The following COMMD6 variants were observed in gnomAD, a reference collection of about 807,000 sequenced individuals.
COMMD6 encodes the protein COMM domain containing 6.
Under a neutral mutation model 13.4 loss-of-function variants are expected in COMMD6, and 11 were observed. The observed-to-expected ratio is 0.82, with a 90% CI of 0.52 to 1.36. The LOEUF is 1.36. Among genes scored for constraint, COMMD6 ranks in the 40% most tolerant of loss-of-function variants. The pLI, the probability that COMMD6 is intolerant of heterozygous loss-of-function variation, is 0.00. For synonymous variants in COMMD6, 43 were observed against 36.5 expected, an observed-to-expected ratio of 1.18 and a Z score of -0.64; for missense variants, 124 against 102.4, an observed-to-expected ratio of 1.21 and a Z score of -0.91.
chr13:75,543,781 G>A (rs1305474289), upstream of COMMD6, among the ~76,000 whole-genome samples: 1 of 152,166 alleles, frequency 6.6e-6, no homozygotes, highest in East Asian at 1.9e-4. Context: ...CATAGTAAGT[G>A]CTGATAAATC....
upstream of COMMD6, among the ~76,000 whole-genome samples, chr13:75,539,039 C>T (rs897097475): frequency 1.3e-5 from 2 of 152,160 alleles, no homozygotes; most frequent in African/African-American, 2.4e-5. Context: ...TGGCTCCTTC[C>T]TCCACCTTCA....
chr13:75,525,236 T>C lies in COMMD6; in HGVS notation c.*1353A>G, dbSNP rs2030199306. On this transcript the variant is annotated 3_prime_UTR_variant, in exon 4 of 4. Transcript: ENST00000682242. ...GACAAACATGCAATTTAAATTTATT[T>C]CAAATCTGCTACCCACAGTGTTTGA... 6.6e-6 allele frequency: 1 copy of C among 152,176 alleles called. No homozygotes were observed. Among genetic ancestry groups the C allele is most frequent in the Admixed American group, 6.5e-5 (1 of 15,274 alleles). The allele number at this position is 152,176 out of a possible 1,614,324, so 9.4% of individuals were successfully genotyped here. A position where few individuals can be genotyped will look rare whatever the true frequency, so the allele number is the denominator to read the frequency against.
At chr13:75,545,468 T>G (rs1192573264) in intron 1 of COMMD6, among the ~76,000 whole-genome samples, 1 of 152,122 alleles carries the variant, frequency 6.6e-6, no homozygotes, top group African/African-American at 2.4e-5. Context: ...TCTTTTTCTT[T>G]TTCTCTTTTT....
intron 1 of COMMD6, among the ~76,000 whole-genome samples, chr13:75,547,946 T>A (rs2030934031): frequency 6.6e-6 from 1 of 152,198 alleles, no homozygotes. Flanking sequence ...TTTGAGTGTA[T>A]CCCTAGCAAG....
chr13:75,537,724 A>C, intron 1 of COMMD6, 40 bp downstream of exon 1: 1 of 1,614,042 alleles, frequency 6.2e-7, no homozygotes, highest in African/African-American at 1.3e-5. Context: ...TTCTTGCTCC[A>C]GAGCCTCGCT....
intron 1 of COMMD6, among the ~76,000 whole-genome samples, chr13:75,545,461 TTTTC>T (rs1422122207): frequency 1.4e-4 from 21 of 152,210 alleles, no homozygotes; most frequent in Admixed American, 8.5e-4. Flanking sequence ...GATGGTTTCT[TTTTC>T]TTTTTCTCTT....
At chr13:75,543,995 T>C (rs2030862545) in intron 1 of COMMD6, among the ~76,000 whole-genome samples, 1 of 152,216 alleles carries the variant, frequency 6.6e-6, no homozygotes, top group Admixed American at 6.5e-5. Flanking sequence ...TCTGGAGAGA[T>C]TCCTGACTCC....
intron 2 of COMMD6, among the ~76,000 whole-genome samples, chr13:75,533,730 CTACAAGA>C (rs751843960): frequency 1.3e-5 from 2 of 152,032 alleles, no homozygotes; most frequent in Non-Finnish European, 2.9e-5. Flanking sequence ...TGATGATTGC[CTACAAGA>C]TACAACTATA....
At chr13:75,539,470 C>A (rs1214955914), upstream of COMMD6, among the ~76,000 whole-genome samples, 2 of 152,120 alleles carry the variant, frequency 1.3e-5, no homozygotes, top group Non-Finnish European at 2.9e-5. Flanking sequence ...GAACTCCTGT[C>A]CTCACGTAAT....
rs985313351 is a variant in COMMD6, at chr13:75,526,449, G to A, written c.*140C>T. 17 of 645,350 alleles carry A rather than the reference G, an allele frequency of 2.6e-5. No homozygotes were observed. The highest frequency in any genetic ancestry group is 4.3e-5 in the Non-Finnish European group (16 of 372,454). 40.0% of individuals were successfully genotyped at this position (645,350 alleles called of 1,614,324 possible). On this transcript the variant is annotated 3_prime_UTR_variant, in exon 4 of 4. Coordinates refer to ENST00000682242, the MANE Select transcript of COMMD6 (RefSeq NM_203495.4). ...ACCACTACCCAGTTCCTGTTTGTCT[G>A]ATTTTTATTATTTAAAAAAATGGAA...
intron 1 of COMMD6, among the ~76,000 whole-genome samples, chr13:75,544,870 G>A (rs1427994185): frequency 2.1e-5 from 3 of 141,700 alleles, no homozygotes; most frequent in African/African-American, 7.7e-5. Flanking sequence ...AGGTTGCCAT[G>A]AGCCAAGATC....
At chr13:75,546,375 A>ATCGTGCTGATGACAAT (rs2030905052) in intron 1 of COMMD6, among the ~76,000 whole-genome samples, 1 of 152,230 alleles carries the variant, frequency 6.6e-6, no homozygotes, top group East Asian at 1.9e-4. Flanking sequence ...TTGAGTAGAT[A>ATCGTGCTGATGACAAT]AGTTACTCAA....
chr13:75,537,350 T>G, intron 2 of COMMD6: 1 of 1,550,724 alleles, frequency 6.4e-7, no homozygotes, highest in Non-Finnish European at 8.7e-7. Flanking sequence ...CTGCAAATTT[T>G]CCTAACTTCT....
intron 2 of COMMD6, among the ~76,000 whole-genome samples, chr13:75,532,632 T>C (rs1013133366): frequency 7.2e-5 from 11 of 152,008 alleles, no homozygotes; most frequent in Non-Finnish European, 5.9e-5. Flanking sequence ...GAGATCAGAA[T>C]CATCCTGGCT....
chr13:75,546,532 G>C (rs2030907042), intron 1 of COMMD6, among the ~76,000 whole-genome samples: 1 of 152,202 alleles, frequency 6.6e-6, no homozygotes, highest in Non-Finnish European at 1.5e-5. Context: ...CTTCCTGCTT[G>C]TCTTTGAATA....
intron 1 of COMMD6, among the ~76,000 whole-genome samples, chr13:75,548,224 T>C (rs2030945594): frequency 6.6e-6 from 1 of 152,214 alleles, no homozygotes; most frequent in Non-Finnish European, 1.5e-5. Context: ...CTAGTGATAA[T>C]GCAACTAAGC....
At chr13:75,538,366 C>T (rs1451404458), upstream of COMMD6, among the ~76,000 whole-genome samples, 1 of 152,266 alleles carries the variant, frequency 6.6e-6, no homozygotes, top group Admixed American at 6.5e-5. Flanking sequence ...TGTCTTCCCA[C>T]CTCTTTCCTA....
rs1361218936 is a variant in COMMD6, at chr13:75,526,591, A to G, written c.256T>C (p.Ter86ArgextTer25). Residue 86 changes from the stop codon to arginine, a stop_lost, in exon 4 of 4, where the codon TGA becomes CGA. Coordinates refer to ENST00000682242, the MANE Select transcript of COMMD6 (RefSeq NM_203495.4). ...TTTATCAACCAAAGAATCCGTCTTC[A>G]CACCGTTTCAATAACTGCAGCAATT... ...KEIAAVIETV[*>R] 3 of 1,603,384 alleles carry G rather than the reference A, an allele frequency of 1.9e-6. No individual in the cohort carries two copies. The highest frequency in any genetic ancestry group is 2.6e-6 in the Non-Finnish European group (3 of 1,172,972).
intron 1 of COMMD6, among the ~76,000 whole-genome samples, chr13:75,548,309 C>T (rs531559831): frequency 4.7e-4 from 72 of 152,224 alleles, no homozygotes; most frequent in African/African-American, 1.6e-3. Flanking sequence ...CATTAGATAA[C>T]GATGAAGAGG....
Sources: allele counts gnomAD v4.1 joint callset (sites outside exome capture counted in the v4.1 genomes callset), GRCh38; gene constraint gnomAD v4.1.1; transcripts MANE v1.5; gene names NCBI Gene and HGNC (gene_info 2026-07-23, HGNC 2026-07-21).